Variants in SLC10A7 observed in about 807,000 individuals in gnomAD.
SLC10A7 encodes sodium/bile acid cotransporter 7.
SLC10A7 carries 29 observed loss-of-function variants against 43.2 expected under a neutral mutation model. The ratio of observed to expected loss-of-function variants is 0.67; its 90% CI spans 0.50 to 0.92. The LOEUF is 0.92. Among genes scored for constraint, SLC10A7 ranks in the 40% least tolerant of loss-of-function variants. The probability of loss-of-function intolerance (pLI) is 0.00; values close to 1 mark genes in which losing one functional copy is unlikely to be tolerated. For missense variants in SLC10A7, 295 were observed against 403.2 expected, an observed-to-expected ratio of 0.73 and a Z score of 2.30; for synonymous variants, 152 against 144.8, an observed-to-expected ratio of 1.05 and a Z score of -0.35.
In SLC10A7 at chr4:146,370,492, A is replaced by T. The variant is rs530814300; in HGVS notation, c.436-44496T>A. ...GTTATTGATTGAAAGAAGCTCAGGC[A>T]AGGTGGTGTCAGCTTATATTCCTAA... On this transcript the variant is annotated intron_variant, in intron 5 of 11. Transcript: ENST00000335472. Among the ~76,000 whole-genome samples the T allele has an allele frequency of 2.6e-5, 4 of 152,258 alleles. No individual in the cohort carries two copies. The East Asian group carries it at 7.7e-4, about 29-fold the overall frequency.
intron 5 of SLC10A7, among the ~76,000 whole-genome samples, chr4:146,402,289 C>T (rs1054729037): frequency 6.6e-6 from 1 of 152,126 alleles, no homozygotes; most frequent in Non-Finnish European, 1.5e-5. Context: ...CAGTCAGCAC[C>T]ACAGGATGTA....
chr4:146,281,063 A>G (rs1729518319), intron 10 of SLC10A7, among the ~76,000 whole-genome samples: 1 of 152,180 alleles, frequency 6.6e-6, no homozygotes, highest in African/African-American at 2.4e-5. Flanking sequence ...TGCAAAAGCA[A>G]ACAGAAATCC....
At chr4:146,513,629 G>A (rs1364130645) in intron 2 of SLC10A7, among the ~76,000 whole-genome samples, 1 of 152,156 alleles carries the variant, frequency 6.6e-6, no homozygotes, top group Non-Finnish European at 1.5e-5. Flanking sequence ...AGCAAAACAA[G>A]TCACAACAAC....
intron 5 of SLC10A7, among the ~76,000 whole-genome samples, chr4:146,360,134 ACT>A (rs886697566): frequency 1.6e-4 from 24 of 151,638 alleles, no homozygotes; most frequent in African/African-American, 4.8e-4. Flanking sequence ...CTTACCAAAG[ACT>A]CTCTATCTCT....
Position 146,521,779 on chromosome 4 carries a change from C to T in SLC10A7, c.-62G>A. 5.2e-6 allele frequency: 7 copies of T among 1,352,744 alleles called. No homozygotes were observed. Among genetic ancestry groups the T allele is most frequent in the South Asian group, 3.5e-5 (3 of 84,994 alleles). 83.8% of individuals were successfully genotyped at this position (1,352,744 alleles called of 1,614,324 possible). A position where few individuals can be genotyped will look rare whatever the true frequency, so the allele number is the denominator to read the frequency against. On this transcript the variant is annotated 5_prime_UTR_variant, in exon 1 of 12. Transcript: ENST00000335472. Reference sequence around the variant, plus strand: ...GCTTTTTTTCTTTTCAAGCTCCGATCACCTAATCCTTGGAGCGTCTCCACA... The same window carrying T: ...GCTTTTTTTCTTTTCAAGCTCCGATTACCTAATCCTTGGAGCGTCTCCACA...
At chr4:146,268,597 T>C (rs1223101259) in intron 10 of SLC10A7, among the ~76,000 whole-genome samples, 2 of 152,212 alleles carry the variant, frequency 1.3e-5, no homozygotes, top group Admixed American at 1.3e-4. Context: ...GCGTTTACTA[T>C]ATGCCAGGCA....
At chr4:146,350,035 T>C (rs896674000) in intron 5 of SLC10A7, among the ~76,000 whole-genome samples, 2 of 152,018 alleles carry the variant, frequency 1.3e-5, no homozygotes, top group Non-Finnish European at 2.9e-5. Flanking sequence ...GGAGCCAAGA[T>C]GGCCGAATAG....
At chr4:146,352,870 G>A (rs1364484634) in intron 5 of SLC10A7, among the ~76,000 whole-genome samples, 1 of 143,824 alleles carries the variant, frequency 7.0e-6, no homozygotes, top group Non-Finnish European at 1.5e-5. Context: ...CAGAATCTCT[G>A]GGACGCATTC....
At position 146,466,330 on chromosome 4, in the gene SLC10A7, A is replaced by G. The variant is rs76344690; in HGVS notation, c.397-23509T>C. On this transcript the variant is annotated intron_variant, in intron 4 of 11. Transcript: ENST00000335472. ...GAAGGGACTAGAAATGAGATTTAAA[A>G]GAGTAAAAGCACTGATACAAGTATA... Among the ~76,000 whole-genome samples the G allele has an allele frequency of 1.5e-3, 222 of 152,330 alleles. 10 individuals are homozygous for G. The East Asian group carries it at 0.037, about 25-fold the overall frequency.
chr4:146,362,159 G>T (rs1320417918), intron 5 of SLC10A7, among the ~76,000 whole-genome samples: 2 of 152,050 alleles, frequency 1.3e-5, no homozygotes, highest in African/African-American at 4.8e-5. Context: ...TGTAGAGAAA[G>T]AAATCAGGGT....
chr4:146,355,604 G>A (rs906323000), intron 5 of SLC10A7, among the ~76,000 whole-genome samples: 8 of 151,786 alleles, frequency 5.3e-5, no homozygotes, highest in Admixed American at 4.6e-4. Flanking sequence ...GTTTATTGTG[G>A]CATTATTCAC....
chr4:146,442,227 T>C lies in SLC10A7; in HGVS notation c.435+556A>G, dbSNP rs1264802181. 7 of 925,288 alleles carry C rather than the reference T, an allele frequency of 7.6e-6. No homozygotes were observed. In the East Asian group the frequency reaches 7.0e-4, roughly 92 times the overall value. The allele number at this position is 925,288 out of a possible 1,614,324, so 57.3% of individuals were successfully genotyped here. On this transcript the variant is annotated intron_variant, in intron 5 of 11. Coordinates refer to ENST00000335472, the MANE Select transcript of SLC10A7 (RefSeq NM_001029998.6). ...GTTCTACTTATGAAAGCTGAACTAC[T>C]TTTGAATCTTTATATATATATATAT... is the stretch of plus-strand genomic sequence containing the variant.
intron 5 of SLC10A7, among the ~76,000 whole-genome samples, chr4:146,389,522 T>C (rs1299065165): frequency 3.9e-5 from 6 of 152,210 alleles, no homozygotes; most frequent in African/African-American, 2.4e-5. Context: ...ATGGAGTCTA[T>C]GGTAATTCGT....
intron 4 of SLC10A7, among the ~76,000 whole-genome samples, chr4:146,494,507 C>T (rs1318989804): frequency 6.6e-6 from 1 of 152,082 alleles, no homozygotes; most frequent in Non-Finnish European, 1.5e-5. Flanking sequence ...AGGGCTAACA[C>T]TTTGTTTTAG....
At chr4:146,368,500 A>G (rs1199952119) in intron 5 of SLC10A7, among the ~76,000 whole-genome samples, 1 of 152,244 alleles carries the variant, frequency 6.6e-6, no homozygotes, top group Non-Finnish European at 1.5e-5. Flanking sequence ...TTGACATTAA[A>G]TTAGCAAGTT....
At chr4:146,379,968 T>G (rs1056979917) in intron 5 of SLC10A7, among the ~76,000 whole-genome samples, 2 of 145,582 alleles carry the variant, frequency 1.4e-5, no homozygotes, top group Non-Finnish European at 2.9e-5. Flanking sequence ...TCTGTGTGTG[T>G]GTGTGTGTGT....
In SLC10A7 at chr4:146,414,594, C is replaced by T. The variant is rs534905411; in HGVS notation, c.435+28189G>A. On this transcript the variant is annotated intron_variant, in intron 5 of 11. Transcript: ENST00000335472. ...CAAAAATTAGCCAGGTGTGGTGGTC[C>T]ATGTCTGTAATCCCAGCTACTCAGG... is the stretch of plus-strand genomic sequence containing the variant. Among the ~76,000 whole-genome samples the T allele has an allele frequency of 2.0e-5, 3 of 152,028 alleles. No individual in the cohort carries two copies. In the East Asian group the frequency reaches 5.8e-4, roughly 29 times the overall value.
intron 4 of SLC10A7, among the ~76,000 whole-genome samples, chr4:146,473,096 T>C (rs1272680622): frequency 6.6e-6 from 1 of 152,222 alleles, no homozygotes; most frequent in African/African-American, 2.4e-5. Flanking sequence ...CCTATACTAA[T>C]GTCTCTTTTA....
intron 4 of SLC10A7, among the ~76,000 whole-genome samples, chr4:146,491,265 C>T (rs1735390355): frequency 1.3e-5 from 2 of 152,000 alleles, no homozygotes; most frequent in African/African-American, 4.8e-5. Context: ...AGACAAAGTC[C>T]TCAAAATAGC....
Sources: gnomAD v4.1 joint callset for allele counts (sites outside exome capture counted in the v4.1 genomes callset) on GRCh38, gnomAD v4.1.1 for gene constraint, MANE v1.5 for transcripts, NCBI Gene and HGNC (gene_info 2026-07-23, HGNC 2026-07-21) for gene names.